R3HDM1: variants seen among roughly 807,000 people sequenced by gnomAD.
R3HDM1 encodes R3H domain containing 1, also known as R3H domain-containing protein 1.
In R3HDM1, 46 loss-of-function variants were observed where a neutral mutation model predicts 141.1. That is an observed-to-expected ratio of 0.33 (90% CI 0.26 to 0.42). R3HDM1 has a LOEUF of 0.42. R3HDM1 is among the 10% of genes least tolerant of loss of function. The pLI is 1.00. For missense variants in R3HDM1, 1,184 were observed against 1,368.3 expected, an observed-to-expected ratio of 0.87 and a Z score of 2.12; for synonymous variants, 435 against 472.9, an observed-to-expected ratio of 0.92 and a Z score of 1.04.
At chr2:135,536,791 G>A (rs1367644947) in intron 1 of R3HDM1, 1 of 857,188 alleles carries the variant, frequency 1.2e-6, no homozygotes, top group African/African-American at 1.8e-5. Context: ...GTGTGCAGTG[G>A]ACCGGTGAAC....
intron 19 of R3HDM1, among the ~76,000 whole-genome samples, chr2:135,663,158 T>C (rs62168794): frequency 1.4e-5 from 2 of 143,760 alleles, no homozygotes; most frequent in African/African-American, 5.1e-5. Context: ...AAAAAAAATA[T>C]GACACTTAAT....
chr2:135,553,637 G>A (rs1330209084), intron 1 of R3HDM1, among the ~76,000 whole-genome samples: 2 of 152,190 alleles, frequency 1.3e-5, no homozygotes. Flanking sequence ...TGTTGAAAGT[G>A]GCCGATGTTA....
chr2:135,577,220 T>C (rs1705649810), intron 1 of R3HDM1: 1 of 981,708 alleles, frequency 1.0e-6, no homozygotes, highest in Non-Finnish European at 1.2e-6. Flanking sequence ...TATATAAAAA[T>C]AAGAAAATTT....
chr2:135,630,281 C>CAAAAAAAAAAAAAAAAAAA (rs911009655), intron 7 of R3HDM1, among the ~76,000 whole-genome samples: 3 of 39,320 alleles, frequency 7.6e-5, no homozygotes, highest in African/African-American at 1.8e-4. Context: ...CCTTCTCAAC[C>CAAAAAAAAAAAAAAAAAAA]AAAAAAAAAA....
chr2:135,612,205 T>C (rs1469736365), intron 3 of R3HDM1, among the ~76,000 whole-genome samples: 2 of 152,228 alleles, frequency 1.3e-5, no homozygotes, highest in Admixed American at 1.3e-4. Flanking sequence ...TTTACTGCCC[T>C]GACCTTAACT....
intron 7 of R3HDM1, among the ~76,000 whole-genome samples, chr2:135,623,890 C>A (rs2061739490): frequency 6.6e-6 from 1 of 152,098 alleles, no homozygotes; most frequent in Non-Finnish European, 1.5e-5. Flanking sequence ...CAGAGAAGGG[C>A]CACAACCTCT....
At chr2:135,630,543 A>G (rs1157779533) in intron 7 of R3HDM1, among the ~76,000 whole-genome samples, 1 of 152,166 alleles carries the variant, frequency 6.6e-6, no homozygotes, top group Non-Finnish European at 1.5e-5. Context: ...TAAATATTTA[A>G]TGAATGATGG....
intron 17 of R3HDM1, chr2:135,650,781 C>T (rs1436821095): frequency 2.0e-6 from 2 of 983,348 alleles, no homozygotes; most frequent in East Asian, 1.1e-4. Flanking sequence ...TCTCCATAGC[C>T]GTAATTTACT....
chr2:135,551,987 A>C (rs1699920849), intron 1 of R3HDM1, among the ~76,000 whole-genome samples: 1 of 152,186 alleles, frequency 6.6e-6, no homozygotes, highest in African/African-American at 2.4e-5. Flanking sequence ...TCTAATTGCA[A>C]AATTGAAAAG....
intron 21 of R3HDM1, among the ~76,000 whole-genome samples, chr2:135,688,795 G>T (rs1301551439): frequency 2.0e-5 from 3 of 152,078 alleles, no homozygotes; most frequent in Non-Finnish European, 4.4e-5. Context: ...AATTAGCCAG[G>T]TGTGGTGGCG....
intron 21 of R3HDM1, among the ~76,000 whole-genome samples, chr2:135,695,389 G>C (rs1376076233): frequency 6.6e-6 from 1 of 152,104 alleles, no homozygotes; most frequent in Non-Finnish European, 1.5e-5. Flanking sequence ...GAGGGAAAAT[G>C]ATTAACAAAG....
At chr2:135,713,883 A>G (rs1190114457) in intron 23 of R3HDM1, among the ~76,000 whole-genome samples, 1 of 152,188 alleles carries the variant, frequency 6.6e-6, no homozygotes, top group Admixed American at 6.5e-5. Context: ...ATAGAAATGA[A>G]TGATCATCCA....
chr2:135,653,208 T>C (rs2065349544), intron 18 of R3HDM1, among the ~76,000 whole-genome samples: 1 of 151,820 alleles, frequency 6.6e-6, no homozygotes, highest in Admixed American at 6.6e-5. Context: ...ATACAAAAAT[T>C]AGCTGGGCGT....
In R3HDM1 at chr2:135,656,229, G is replaced by A. The variant is rs114075611; in HGVS notation, c.2028+4197G>A. ...TCATTCTTTTGAGTAACATTTAAATGGTAGATCTTTTTCTATCTTACTTGC... is the reference window on the plus strand; with the variant it reads ...TCATTCTTTTGAGTAACATTTAAATAGTAGATCTTTTTCTATCTTACTTGC... On this transcript the variant is annotated intron_variant, in intron 18 of 26. Transcript: ENST00000683871. Among the ~76,000 whole-genome samples the A allele has an allele frequency of 3.0e-3, 456 of 152,096 alleles. 3 individuals are homozygous for A. The highest frequency in any genetic ancestry group is 0.01 in the African/African-American group (425 of 41,488).
At chr2:135,607,191 G>A (rs2060149391) in intron 3 of R3HDM1, 1 of 322,468 alleles carries the variant, frequency 3.1e-6, no homozygotes, top group Admixed American at 6.5e-5. Context: ...GTTTCACCAT[G>A]TTGGCCAGGA....
At chr2:135,577,387 A>G (rs1055700660) in intron 1 of R3HDM1, among the ~76,000 whole-genome samples, 5 of 148,800 alleles carry the variant, frequency 3.4e-5, no homozygotes, top group Non-Finnish European at 5.9e-5. Flanking sequence ...TCCCTAATAT[A>G]TAAAGAACTC....
rs2076088094 is a variant in R3HDM1, at chr2:135,715,635, C to T, written c.2822C>T (p.Pro941Leu). 1 of 1,613,830 alleles carries T rather than the reference C, an allele frequency of 6.2e-7. No individual in the cohort carries two copies. The highest frequency in any genetic ancestry group is 8.5e-7 in the Non-Finnish European group (1 of 1,179,916). The change falls in exon 24 of 27, where the codon CCC (proline) becomes CTC (leucine). Residue 941 changes from proline to leucine, a missense_variant. By Grantham distance (98) the Pro-to-Leu change is moderately conservative. Transcript: ENST00000683871. ...AQLSTLKTVR[P>L]SGPPLSIMPQ... The stretch of plus-strand genomic sequence containing the variant: ...CTGTCCACCCTGAAAACTGTACGTC[C>T]CTCTGGACCACCACTTTCCATCATG...
intron 23 of R3HDM1, among the ~76,000 whole-genome samples, chr2:135,710,470 A>G (rs2075490537): frequency 6.6e-6 from 1 of 152,162 alleles, no homozygotes; most frequent in Admixed American, 6.5e-5. Flanking sequence ...ATACAAAATC[A>G]GCTGGGTGTA....
intron 24 of R3HDM1, among the ~76,000 whole-genome samples, chr2:135,718,539 G>A (rs989641807): frequency 2.6e-5 from 4 of 152,112 alleles, no homozygotes; most frequent in Admixed American, 2.6e-4. Context: ...CTGCAGTGCA[G>A]TGGTGCACTT....
Sources: gnomAD v4.1 joint callset for allele counts (sites outside exome capture counted in the v4.1 genomes callset) on GRCh38, gnomAD v4.1.1 for gene constraint, MANE v1.5 for transcripts, NCBI Gene and HGNC (gene_info 2026-07-23, HGNC 2026-07-21) for gene names.